Variants in SGCZ observed in about 807,000 individuals in gnomAD.
The protein encoded by SGCZ is zeta-sarcoglycan.
A neutral mutation model predicts 41.3 loss-of-function variants in SGCZ; 40 were observed. The observed-to-expected ratio is 0.97, with a 90% CI of 0.75 to 1.26. The LOEUF is 1.26. Ranked by LOEUF, SGCZ falls within the 50% of genes most tolerant of loss-of-function variation. The pLI, the probability that SGCZ is intolerant of heterozygous loss-of-function variation, is 0.00. For synonymous variants in SGCZ, 206 were observed against 137.5 expected, an observed-to-expected ratio of 1.50 and a Z score of -3.49; for missense variants, 552 against 369.8, an observed-to-expected ratio of 1.49 and a Z score of -4.04.
intron 1 of SGCZ, among the ~76,000 whole-genome samples, chr8:15,014,138 A>G (rs1585473674): frequency 6.6e-6 from 1 of 152,116 alleles, no homozygotes; most frequent in Non-Finnish European, 1.5e-5. Context: ...ATCTCATGAA[A>G]CCCTTCAAGA....
At chr8:14,375,742 C>A (rs894890795) in intron 2 of SGCZ, among the ~76,000 whole-genome samples, 1 of 152,002 alleles carries the variant, frequency 6.6e-6, no homozygotes, top group African/African-American at 2.4e-5. Context: ...AAGTTTATAG[C>A]CTTCAGTATG....
At chr8:14,710,761 T>G (rs1169803138) in intron 1 of SGCZ, among the ~76,000 whole-genome samples, 1 of 152,204 alleles carries the variant, frequency 6.6e-6, no homozygotes, top group African/African-American at 2.4e-5. Context: ...TTGTAACTAA[T>G]TCTTACCTAT....
At chr8:15,035,865 T>C (rs1268212222) in intron 1 of SGCZ, among the ~76,000 whole-genome samples, 1 of 152,096 alleles carries the variant, frequency 6.6e-6, no homozygotes, top group Non-Finnish European at 1.5e-5. Context: ...AAGAGAGGGA[T>C]AGACTGTAAC....
intron 1 of SGCZ, among the ~76,000 whole-genome samples, chr8:15,172,159 T>TTTTTTC (rs1233799056): frequency 1.0e-5 from 1 of 96,996 alleles, no homozygotes; most frequent in African/African-American, 3.5e-5. Flanking sequence ...ACTCTGTTTT[T>TTTTTTC]TTTTTTTTTT....
intron 1 of SGCZ, among the ~76,000 whole-genome samples, chr8:15,212,453 G>A (rs993208963): frequency 6.6e-6 from 1 of 152,058 alleles, no homozygotes; most frequent in Non-Finnish European, 1.5e-5. Flanking sequence ...TTGCAGAGTG[G>A]TTTAGGATTG....
chr8:14,763,661 T>C (rs577638928), intron 1 of SGCZ, among the ~76,000 whole-genome samples: 28 of 152,254 alleles, frequency 1.8e-4, no homozygotes, highest in Non-Finnish European at 2.9e-4. Context: ...CCTGGAGATA[T>C]GATAATACCA....
intron 2 of SGCZ, among the ~76,000 whole-genome samples, chr8:14,451,265 T>A (rs762932359): frequency 7.9e-5 from 12 of 152,224 alleles, no homozygotes; most frequent in Non-Finnish European, 1.6e-4. Context: ...TATTTTTCTG[T>A]CCTACGTTCA....
chr8:14,565,709 C>A (rs1335528514), intron 1 of SGCZ, among the ~76,000 whole-genome samples: 6 of 151,938 alleles, frequency 3.9e-5, no homozygotes, highest in Non-Finnish European at 8.8e-5. Flanking sequence ...ATTTGAAAAA[C>A]AATGGTAAGA....
chr8:14,326,169 T>C (rs62497793), intron 2 of SGCZ, among the ~76,000 whole-genome samples: 28,649 of 144,520 alleles, frequency 0.2, 3,571 homozygotes, highest in Non-Finnish European at 0.29. Flanking sequence ...TCTGTCACTA[T>C]GGATAAGCAA....
chr8:14,443,289 T>A (rs1300123730), intron 2 of SGCZ, among the ~76,000 whole-genome samples: 1 of 152,066 alleles, frequency 6.6e-6, no homozygotes, highest in Non-Finnish European at 1.5e-5. Flanking sequence ...GTGACTTTCT[T>A]CACAGAATTG....
chr8:15,124,068 T>C (rs187137952), intron 1 of SGCZ, among the ~76,000 whole-genome samples: 6 of 152,284 alleles, frequency 3.9e-5, no homozygotes, highest in Admixed American at 3.3e-4. Context: ...GATTTAAGTA[T>C]GGAAAAATCT....
chr8:15,022,329 C>CT (rs932858118), intron 1 of SGCZ, among the ~76,000 whole-genome samples: 3 of 151,770 alleles, frequency 2.0e-5, no homozygotes, highest in African/African-American at 4.8e-5. Context: ...GAAATGATAT[C>CT]TTTTTTTTAA....
intron 1 of SGCZ, among the ~76,000 whole-genome samples, chr8:14,812,016 T>A (rs1801752612): frequency 6.6e-6 from 1 of 151,940 alleles, no homozygotes; most frequent in South Asian, 2.1e-4. Flanking sequence ...GGGATGAGTA[T>A]GGAAAGGGAT....
intron 1 of SGCZ, among the ~76,000 whole-genome samples, chr8:14,753,049 C>T (rs1371763727): frequency 6.6e-6 from 1 of 152,128 alleles, no homozygotes; most frequent in East Asian, 1.9e-4. Context: ...ATGGAAACTC[C>T]CCATACTGTA....
chr8:15,164,890 T>G (rs1450765968), intron 1 of SGCZ, among the ~76,000 whole-genome samples: 1 of 152,140 alleles, frequency 6.6e-6, no homozygotes, highest in African/African-American at 2.4e-5. Flanking sequence ...AATAAGCTTC[T>G]TTCTGGTTTG....
intron 2 of SGCZ, among the ~76,000 whole-genome samples, chr8:14,459,594 A>AT (rs1800844434): frequency 6.6e-6 from 1 of 152,162 alleles, no homozygotes; most frequent in Non-Finnish European, 1.5e-5. Flanking sequence ...GAAAGTATCT[A>AT]TCTCAAGACA....
At chr8:14,439,281 T>A (rs1800177451) in intron 2 of SGCZ, among the ~76,000 whole-genome samples, 1 of 145,314 alleles carries the variant, frequency 6.9e-6, no homozygotes, top group Non-Finnish European at 1.5e-5. Flanking sequence ...TAACAGTCCC[T>A]TGATTAAAGA....
At chr8:15,041,144 A>G (rs938956745) in intron 1 of SGCZ, among the ~76,000 whole-genome samples, 3 of 151,840 alleles carry the variant, frequency 2.0e-5, no homozygotes, top group African/African-American at 7.3e-5. Context: ...TATAAATAAT[A>G]GTCATTTATT....
chr8:14,143,254 G>C (rs73217971), intron 5 of SGCZ, among the ~76,000 whole-genome samples: 18,246 of 152,218 alleles, frequency 0.12, 1,274 homozygotes, highest in Middle Eastern at 0.23. Flanking sequence ...TAAGATTGCA[G>C]ACAGGGCAAT....
Sources: gnomAD v4.1 joint callset for allele counts (sites outside exome capture counted in the v4.1 genomes callset) on GRCh38, gnomAD v4.1.1 for gene constraint, MANE v1.5 for transcripts, NCBI Gene and HGNC (gene_info 2026-07-23, HGNC 2026-07-21) for gene names.